Variants in GPM6A observed in about 807,000 individuals in gnomAD.
GPM6A encodes neuronal membrane glycoprotein M6-a.
GPM6A carries 7 observed loss-of-function variants against 32.1 expected under a neutral mutation model. That is an observed-to-expected ratio of 0.22 (90% CI 0.12 to 0.41). GPM6A has a LOEUF of 0.41. Ranked by LOEUF, GPM6A falls within the 10% of genes least tolerant of loss-of-function variation. GPM6A has a pLI of 1.00. For missense variants in GPM6A, 235 were observed against 347.2 expected (o/e 0.68, Z 2.57); for synonymous variants, 130 against 123.4 (o/e 1.05, Z -0.35).
At chr4:175,893,889 G>T (rs73010165) in intron 1 of GPM6A, among the ~76,000 whole-genome samples, 5,226 of 152,094 alleles carry the variant, frequency 0.034, 270 homozygotes, top group African/African-American at 0.12. Flanking sequence ...AAGAAAAAGC[G>T]ATATAAATTA....
At position 175,854,216 on chromosome 4, in the gene GPM6A, C is replaced by G. The variant is rs192233368; in HGVS notation, c.-22-41967G>C. 4.7e-3 allele frequency among the ~76,000 whole-genome samples: 711 copies of G among 152,096 alleles called. 6 individuals are homozygous for G. Among genetic ancestry groups the G allele is most frequent in the Non-Finnish European group, 7.6e-3 (514 of 67,972 alleles). ...AATTTCTTAGGAAAAGAATAAAAGG[C>G]AAACAAATAAGAAGAAACAGTAAGA... On this transcript the variant is annotated intron_variant, in intron 1 of 7. Transcript: ENST00000280187.
intron 2 of GPM6A, among the ~76,000 whole-genome samples, chr4:175,679,564 A>T (rs937568277): frequency 6.6e-6 from 1 of 152,112 alleles, no homozygotes; most frequent in Non-Finnish European, 1.5e-5. Context: ...AATGATGAGT[A>T]TTGCCAGACC....
chr4:175,879,685 T>A (rs1360270442), intron 1 of GPM6A, among the ~76,000 whole-genome samples: 1 of 152,142 alleles, frequency 6.6e-6, no homozygotes, highest in East Asian at 1.9e-4. Context: ...CCAAACCATA[T>A]CAAGCACCTT....
chr4:175,993,713 T>C (rs988049134), intron 1 of GPM6A, among the ~76,000 whole-genome samples: 1 of 152,220 alleles, frequency 6.6e-6, no homozygotes, highest in African/African-American at 2.4e-5. Context: ...GTTGGTTTCT[T>C]TGTCAATTAT....
chr4:175,999,002 GAGA>G (rs1229060802), intron 1 of GPM6A, among the ~76,000 whole-genome samples: 1 of 152,068 alleles, frequency 6.6e-6, no homozygotes, highest in Non-Finnish European at 1.5e-5. Context: ...TTACTGCCAT[GAGA>G]AGGAGCTCCT....
intron 1 of GPM6A, among the ~76,000 whole-genome samples, chr4:175,772,881 T>A (rs1733247195): frequency 6.6e-6 from 1 of 152,236 alleles, no homozygotes; most frequent in African/African-American, 2.4e-5. Flanking sequence ...GCAAGTCCAA[T>A]CAATATAAAG....
At chr4:175,818,071 G>A (rs975484995) in intron 1 of GPM6A, among the ~76,000 whole-genome samples, 1 of 152,064 alleles carries the variant, frequency 6.6e-6, no homozygotes, top group Non-Finnish European at 1.5e-5. Flanking sequence ...AATTACCAGG[G>A]CTGTAGTCAT....
chr4:175,686,765 T>C (rs1413428610), intron 2 of GPM6A, among the ~76,000 whole-genome samples: 1 of 152,260 alleles, frequency 6.6e-6, no homozygotes, highest in Admixed American at 6.5e-5. Context: ...TGAACTAATA[T>C]AGTTGACTAA....
At chr4:175,636,040 G>C (rs1332812049) in intron 6 of GPM6A, among the ~76,000 whole-genome samples, 1 of 151,842 alleles carries the variant, frequency 6.6e-6, no homozygotes, top group Non-Finnish European at 1.5e-5. Context: ...GAATATTGTG[G>C]TGTGTTCAGG....
intron 1 of GPM6A, among the ~76,000 whole-genome samples, chr4:175,969,397 T>A (rs1740431253): frequency 6.6e-6 from 1 of 152,126 alleles, no homozygotes; most frequent in African/African-American, 2.4e-5. Flanking sequence ...ACCCCAAATG[T>A]AAACTATGGA....
At chr4:175,815,846 T>C (rs183386668), upstream of GPM6A, among the ~76,000 whole-genome samples, 1 of 151,060 alleles carries the variant, frequency 6.6e-6, no homozygotes, top group African/African-American at 2.4e-5. Context: ...GCCTCCCAAG[T>C]ATCGAGGATT....
At chr4:175,717,249 C>T (rs1300046220) in intron 1 of GPM6A, among the ~76,000 whole-genome samples, 2 of 152,154 alleles carry the variant, frequency 1.3e-5, no homozygotes, top group East Asian at 3.8e-4. Flanking sequence ...ATGCTAGGCT[C>T]CTTCCTGCTT....
chr4:175,812,726 C>T (rs532500133), upstream of GPM6A: 16 of 985,502 alleles, frequency 1.6e-5, no homozygotes, highest in South Asian at 4.2e-4. Context: ...ACCACCAACC[C>T]GTAATTCCCC....
intron 1 of GPM6A, among the ~76,000 whole-genome samples, chr4:175,761,151 A>G (rs1732722994): frequency 6.6e-6 from 1 of 152,084 alleles, no homozygotes; most frequent in South Asian, 2.1e-4. Flanking sequence ...TAGCGCAAAA[A>G]TTTTTGTTTT....
At chr4:175,973,843 T>G (rs1218199953) in intron 1 of GPM6A, among the ~76,000 whole-genome samples, 1 of 152,224 alleles carries the variant, frequency 6.6e-6, no homozygotes, top group East Asian at 1.9e-4. Flanking sequence ...TTTAATAAAT[T>G]ATCATATGAT....
intron 3 of GPM6A, among the ~76,000 whole-genome samples, chr4:175,655,323 C>T (rs1188746343): frequency 2.0e-5 from 3 of 151,910 alleles, no homozygotes; most frequent in Non-Finnish European, 4.4e-5. Flanking sequence ...TTTAAGGAAG[C>T]TAAAATATAA....
intron 1 of GPM6A, among the ~76,000 whole-genome samples, chr4:175,731,105 A>G (rs564125520): frequency 2.0e-5 from 3 of 152,220 alleles, no homozygotes; most frequent in Admixed American, 2.0e-4. Context: ...TATTTCTCCA[A>G]TTTATGCTTA....
intron 1 of GPM6A, among the ~76,000 whole-genome samples, chr4:175,741,358 C>A (rs928658348): frequency 6.6e-6 from 1 of 152,022 alleles, no homozygotes; most frequent in African/African-American, 2.4e-5. Flanking sequence ...CATTAAGAAT[C>A]TTCTGCATTT....
chr4:175,638,542 A>G (rs1483260264), intron 6 of GPM6A, among the ~76,000 whole-genome samples: 1 of 152,142 alleles, frequency 6.6e-6, no homozygotes, highest in Non-Finnish European at 1.5e-5. Context: ...AATTTCTATC[A>G]TCTCAAAATC....
Sources: gnomAD v4.1 joint callset for allele counts (sites outside exome capture counted in the v4.1 genomes callset) on GRCh38, gnomAD v4.1.1 for gene constraint, MANE v1.5 for transcripts, NCBI Gene and HGNC (gene_info 2026-07-23, HGNC 2026-07-21) for gene names.